Variants in CCSER1 observed in about 807,000 individuals in gnomAD.
CCSER1 encodes the protein serine-rich coiled-coil domain-containing protein 1.
In CCSER1, 41 loss-of-function variants were observed where a neutral mutation model predicts 82.0. That is an observed-to-expected ratio of 0.50 (90% CI 0.39 to 0.65). CCSER1 has a LOEUF of 0.65. Among genes scored for constraint, CCSER1 ranks in the 30% least tolerant of loss-of-function variants. The pLI is 0.00. For missense variants in CCSER1, 1,119 were observed against 1,064.2 expected (o/e 1.05, Z -0.72); for synonymous variants, 414 against 383.9 (o/e 1.08, Z -0.92).
intron 10 of CCSER1, among the ~76,000 whole-genome samples, chr4:91,487,238 C>CT (rs1407951814): frequency 6.6e-6 from 1 of 151,986 alleles, no homozygotes; most frequent in East Asian, 1.9e-4. Flanking sequence ...TTCCTTTCAA[C>CT]TTTTTTTGGT....
At chr4:91,363,876 CTT>C (rs1749432162) in intron 10 of CCSER1, among the ~76,000 whole-genome samples, 1 of 151,662 alleles carries the variant, frequency 6.6e-6, no homozygotes, top group African/African-American at 2.4e-5. Context: ...GTTTATATGA[CTT>C]TGGATGAAGA....
At chr4:91,293,925 C>G (rs1052463711) in intron 10 of CCSER1, among the ~76,000 whole-genome samples, 10 of 151,946 alleles carry the variant, frequency 6.6e-5, no homozygotes, top group Non-Finnish European at 8.8e-5. Context: ...GTTATGTACT[C>G]TGAAAGCTTT....
intron 10 of CCSER1, among the ~76,000 whole-genome samples, chr4:91,357,538 C>G (rs1338560452): frequency 6.6e-6 from 1 of 151,970 alleles, no homozygotes; most frequent in Non-Finnish European, 1.5e-5. Context: ...ACTTTTAAAA[C>G]AATAATTTTT....
intron 9 of CCSER1, among the ~76,000 whole-genome samples, chr4:90,996,877 C>T (rs1737543341): frequency 6.6e-6 from 1 of 152,042 alleles, no homozygotes; most frequent in Non-Finnish European, 1.5e-5. Flanking sequence ...TGTATTTATA[C>T]CATGGTTTGT....
At chr4:91,380,907 G>A (rs1161099479) in intron 10 of CCSER1, among the ~76,000 whole-genome samples, 1 of 152,104 alleles carries the variant, frequency 6.6e-6, no homozygotes, top group Non-Finnish European at 1.5e-5. Context: ...TCCATGTTTA[G>A]TGCTTCCTTC....
At chr4:90,758,324 G>T (rs1007338467) in intron 7 of CCSER1, among the ~76,000 whole-genome samples, 6 of 151,052 alleles carry the variant, frequency 4.0e-5, no homozygotes, top group East Asian at 1.9e-4. Context: ...TGAAATTAAT[G>T]TGTGTCTTTT....
intron 10 of CCSER1, among the ~76,000 whole-genome samples, chr4:91,554,229 T>C (rs1031327080): frequency 7.3e-5 from 11 of 151,470 alleles, no homozygotes; most frequent in Admixed American, 4.6e-4. Flanking sequence ...TTTCATATCA[T>C]TGTGGTCAAA....
chr4:91,065,290 A>G (rs1720689397), intron 9 of CCSER1, among the ~76,000 whole-genome samples: 1 of 152,170 alleles, frequency 6.6e-6, no homozygotes, highest in Non-Finnish European at 1.5e-5. Context: ...GTTATTGGGA[A>G]CAAATACAGG....
intron 6 of CCSER1, among the ~76,000 whole-genome samples, chr4:90,710,041 G>A (rs1007345857): frequency 1.3e-5 from 2 of 150,760 alleles, no homozygotes; most frequent in Admixed American, 1.3e-4. Context: ...AGTGATCAGT[G>A]ATGTTGAGCT....
intron 4 of CCSER1, among the ~76,000 whole-genome samples, chr4:90,445,633 A>G (rs1484358468): frequency 6.6e-6 from 1 of 152,140 alleles, no homozygotes; most frequent in African/African-American, 2.4e-5. Flanking sequence ...TTAGTAAAGT[A>G]TGAAAAATTA....
chr4:91,361,968 C>T (rs1478003649), intron 10 of CCSER1, among the ~76,000 whole-genome samples: 2 of 151,478 alleles, frequency 1.3e-5, no homozygotes, highest in Admixed American at 1.3e-4. Context: ...ATCTTGGTTA[C>T]AAAAAACCTC....
At chr4:90,227,962 G>A (rs576593422) in intron 1 of CCSER1, among the ~76,000 whole-genome samples, 6 of 152,146 alleles carry the variant, frequency 3.9e-5, no homozygotes, top group African/African-American at 9.7e-5. Context: ...CACCTGGCTC[G>A]GAGGGTCCTA....
chr4:90,627,996 A>G (rs1296311965), intron 5 of CCSER1, 29 bp from the exon 6 acceptor site: 5 of 1,554,966 alleles, frequency 3.2e-6, no homozygotes, highest in Admixed American at 3.4e-5. Flanking sequence ...CTGCACTGTA[A>G]TTTTTGTTCT....
At chr4:91,106,505 T>G (rs1030972441) in intron 10 of CCSER1, among the ~76,000 whole-genome samples, 1 of 152,146 alleles carries the variant, frequency 6.6e-6, no homozygotes, top group Non-Finnish European at 1.5e-5. Flanking sequence ...CTATTCTCTC[T>G]CCCTCTTTTT....
chr4:90,549,402 C>T (rs114247947), intron 5 of CCSER1, among the ~76,000 whole-genome samples: 1,879 of 151,818 alleles, frequency 0.012, 46 homozygotes, highest in African/African-American at 0.043. Flanking sequence ...AGAGAAGTCA[C>T]GATAAAAGTT....
chr4:91,353,849 C>T (rs572802243), intron 10 of CCSER1, among the ~76,000 whole-genome samples: 1 of 152,288 alleles, frequency 6.6e-6, no homozygotes, highest in South Asian at 2.1e-4. Flanking sequence ...CCTCCTATTG[C>T]TGGGAACCAA....
At chr4:91,141,039 C>T (rs1415800396) in intron 10 of CCSER1, among the ~76,000 whole-genome samples, 4 of 152,086 alleles carry the variant, frequency 2.6e-5, no homozygotes, top group Admixed American at 2.0e-4. Flanking sequence ...GTTTAGCTCC[C>T]ACTTAAAAGT....
chr4:90,889,510 C>A (rs1396519515), intron 8 of CCSER1, among the ~76,000 whole-genome samples: 3 of 152,060 alleles, frequency 2.0e-5, no homozygotes, highest in African/African-American at 7.2e-5. Flanking sequence ...AAATACTATA[C>A]ACAAAAACAG....
chr4:90,413,981 A>AATATATATATAT (rs70963066), intron 4 of CCSER1, among the ~76,000 whole-genome samples: 42 of 52,442 alleles, frequency 8.0e-4, no homozygotes, highest in Admixed American at 3.3e-3. Context: ...AAAAAAAAAA[A>AATATATATATAT]ATATATATAT....
Sources: gnomAD v4.1 joint callset for allele counts (sites outside exome capture counted in the v4.1 genomes callset) on GRCh38, gnomAD v4.1.1 for gene constraint, MANE v1.5 for transcripts, NCBI Gene and HGNC (gene_info 2026-07-23, HGNC 2026-07-21) for gene names.